The following NRP1 variants were observed in gnomAD, a reference collection of about 807,000 sequenced individuals.
The protein encoded by NRP1 is neuropilin 1.
Under a neutral mutation model 106.7 loss-of-function variants are expected in NRP1, and 35 were observed. That is an observed-to-expected ratio of 0.33 (90% CI 0.25 to 0.43). The LOEUF (loss-of-function observed/expected upper bound fraction) is 0.43, where lower values mean the gene tolerates loss of function less well. NRP1 is among the 20% of genes least tolerant of loss of function. NRP1 has a pLI of 1.00. For synonymous variants in NRP1, 437 were observed against 417.9 expected (o/e 1.05, Z -0.56); for missense variants, 1,024 against 1,170.4 (o/e 0.87, Z 1.83).
Position 33,254,090 on chromosome 10 carries a change from G to T in NRP1, c.919C>A (p.Arg307Ser), listed in dbSNP as rs771374851. ...CACCCATTCTCAGGGTAGTTCAGGC[G>T]GGAGCGCTCTGCAGACCAGTTGGTG... ...YSTNWSAERS[R>S]LNYPENGWTP... Residue 307 changes from arginine (R) to serine (S), a missense_variant, in exon 6 of 17, where the codon CGC becomes AGC. Coordinates refer to ENST00000374867, the MANE Select transcript of NRP1 (RefSeq NM_003873.7). 2 of 1,613,860 alleles carry T rather than the reference G, an allele frequency of 1.2e-6. No homozygotes were observed. Among genetic ancestry groups the T allele is most frequent in the Non-Finnish European group, 1.7e-6 (2 of 1,180,010 alleles).
intron 2 of NRP1, among the ~76,000 whole-genome samples, chr10:33,319,588 CT>C (rs35886672): frequency 0.36 from 40,926 of 114,914 alleles, 5,317 homozygotes; most frequent in Non-Finnish European, 0.4. Context: ...TTCTTTCTTT[CT>C]TTTTTTTTTT....
intron 12 of NRP1, chr10:33,195,684 A>T (rs1243764082): frequency 2.3e-6 from 1 of 429,940 alleles, no homozygotes; most frequent in Non-Finnish European, 4.7e-6. Flanking sequence ...CCCATGCAAT[A>T]TTCTGGGCAT....
intron 2 of NRP1, among the ~76,000 whole-genome samples, chr10:33,281,167 A>G (rs568638196): frequency 8.6e-5 from 13 of 151,714 alleles, no homozygotes; most frequent in African/African-American, 2.9e-4. Context: ...CTCCTGCCTC[A>G]GCCTCCCAAG....
chr10:33,277,389 T>C (rs1280772504), intron 2 of NRP1, among the ~76,000 whole-genome samples: 1 of 152,244 alleles, frequency 6.6e-6, no homozygotes, highest in East Asian at 1.9e-4. Flanking sequence ...GGTTGGCTCC[T>C]GGAGGGGGCT....
At chr10:33,283,694 T>C (rs1050624700) in intron 2 of NRP1, among the ~76,000 whole-genome samples, 2 of 152,152 alleles carry the variant, frequency 1.3e-5, no homozygotes, top group African/African-American at 2.4e-5. Context: ...ATCTCTATAT[T>C]AGGAACAAAC....
At chr10:33,183,931 G>A (rs968175490) in intron 15 of NRP1, among the ~76,000 whole-genome samples, 3 of 152,170 alleles carry the variant, frequency 2.0e-5, no homozygotes, top group African/African-American at 4.8e-5. Flanking sequence ...CAGCTAAATG[G>A]ACAAATCACA....
chr10:33,244,826 T>C (rs906522384), intron 6 of NRP1, among the ~76,000 whole-genome samples: 1 of 152,222 alleles, frequency 6.6e-6, no homozygotes, highest in Admixed American at 6.5e-5. Context: ...AACGTTCATG[T>C]GTCAAAGAGC....
chr10:33,310,534 A>C (rs1013152538), intron 2 of NRP1, among the ~76,000 whole-genome samples: 1 of 152,130 alleles, frequency 6.6e-6, no homozygotes, highest in African/African-American at 2.4e-5. Flanking sequence ...TACAGGAGTG[A>C]GCCACCGCGC....
At chr10:33,210,228 G>A (rs1453959125) in intron 9 of NRP1, among the ~76,000 whole-genome samples, 1 of 151,796 alleles carries the variant, frequency 6.6e-6, no homozygotes, top group Non-Finnish European at 1.5e-5. Flanking sequence ...TCACTATCGG[G>A]GTTCTGCACT....
intron 11 of NRP1, among the ~76,000 whole-genome samples, chr10:33,198,170 C>G (rs1836942975): frequency 7.9e-6 from 1 of 126,362 alleles, no homozygotes; most frequent in Non-Finnish European, 1.6e-5. Context: ...GAGATGGAGT[C>G]TCACTCTGTT....
chr10:33,260,383 TGTAAAA>T (rs1842491711), intron 4 of NRP1, among the ~76,000 whole-genome samples: 1 of 152,156 alleles, frequency 6.6e-6, no homozygotes, highest in Non-Finnish European at 1.5e-5. Flanking sequence ...ATTAATTAAA[TGTAAAA>T]GTAAATAAAA....
intron 11 of NRP1, among the ~76,000 whole-genome samples, chr10:33,199,909 A>T (rs1837145562): frequency 6.6e-6 from 1 of 152,204 alleles, no homozygotes; most frequent in Admixed American, 6.5e-5. Flanking sequence ...CATGAATCAG[A>T]GGGCCATAAA....
At chr10:33,182,617 A>T in intron 16 of NRP1, 81 bp downstream of exon 16, 1 of 941,010 alleles carries the variant, frequency 1.1e-6, no homozygotes, top group Non-Finnish European at 1.7e-6. Context: ...CCAGTGTATT[A>T]GAGTTCCACA....
At chr10:33,183,383 T>A (rs1242068874) in intron 15 of NRP1, among the ~76,000 whole-genome samples, 1 of 151,166 alleles carries the variant, frequency 6.6e-6, no homozygotes, top group Non-Finnish European at 1.5e-5. Context: ...GGTTTTGGCA[T>A]CTGAAATGTG....
chr10:33,324,780 G>A (rs1847770654), intron 2 of NRP1, among the ~76,000 whole-genome samples: 1 of 152,148 alleles, frequency 6.6e-6, no homozygotes, highest in African/African-American at 2.4e-5. Context: ...TGGGACTACA[G>A]GCGTGCACCA....
At chr10:33,259,714 G>T (rs1305498059) in intron 4 of NRP1, among the ~76,000 whole-genome samples, 3 of 152,136 alleles carry the variant, frequency 2.0e-5, no homozygotes, top group African/African-American at 7.2e-5. Flanking sequence ...AACGGGCAAT[G>T]GTGATCCCAC....
rs1564372782 is a variant in NRP1, at chr10:33,199,384, TA to T, written c.1865-1676del. On this transcript the variant is annotated intron_variant, in intron 11 of 16. Transcript: ENST00000374867. ...GCTGTTTTCTATATATATATATATA[TA>T]TATATTTTTTTTTTTTTTTTTTTTT... Among the ~76,000 whole-genome samples, 9 of 73,120 alleles carry T rather than the reference TA, an allele frequency of 1.2e-4. No individual in the cohort carries two copies. The East Asian group carries it at 4.4e-3, about 36-fold the overall frequency. 48.0% of individuals were successfully genotyped at this position (73,120 alleles called of 152,430 possible).
At chr10:33,208,064 T>A (rs987154313) in intron 9 of NRP1, among the ~76,000 whole-genome samples, 1 of 152,296 alleles carries the variant, frequency 6.6e-6, no homozygotes, top group East Asian at 1.9e-4. Flanking sequence ...TAGCTTGGAC[T>A]ACAGGCACCC....
intron 2 of NRP1, among the ~76,000 whole-genome samples, chr10:33,275,654 T>A (rs956125009): frequency 1.3e-5 from 2 of 151,024 alleles, no homozygotes; most frequent in Middle Eastern, 3.5e-3. Flanking sequence ...TTCCAGTGCT[T>A]TGGGAGGCTG....
Sources: allele counts gnomAD v4.1 joint callset (sites outside exome capture counted in the v4.1 genomes callset), GRCh38; gene constraint gnomAD v4.1.1; transcripts MANE v1.5; gene names NCBI Gene and HGNC (gene_info 2026-07-23, HGNC 2026-07-21).